Variants in RGS6 observed in about 807,000 individuals in gnomAD.
RGS6 encodes the protein regulator of G protein signaling 6.
In RGS6, 30 loss-of-function variants were observed where a neutral mutation model predicts 78.5. That is an observed-to-expected ratio of 0.38 (90% CI 0.29 to 0.52). The LOEUF (loss-of-function observed/expected upper bound fraction) is 0.52, where lower values mean the gene tolerates loss of function less well. Among genes scored for constraint, RGS6 ranks in the 20% least tolerant of loss-of-function variants. RGS6 has a pLI of 0.85. For synonymous variants in RGS6, 206 were observed against 206.0 expected, an observed-to-expected ratio of 1.00 and a Z score of 0.00; for missense variants, 495 against 609.7, an observed-to-expected ratio of 0.81 and a Z score of 1.98.
rs533744780 is a variant in RGS6 at position 72,083,687 on chromosome 14, T to C, written c.84+118812T>C. On this transcript the variant is annotated intron_variant, in intron 2 of 17. Transcript: ENST00000553525. ...ACCAACCACATTGAATTTCATGTTT[T>C]TCTAATTCATTCCTAGTCTTCTTGC... Among the ~76,000 whole-genome samples, 16 of 152,358 alleles carry C rather than the reference T, an allele frequency of 1.1e-4. No individual in the cohort carries two copies. In the East Asian group the frequency reaches 3.1e-3, roughly 29 times the overall value.
At chr14:72,317,396 C>A (rs2070598225) in intron 2 of RGS6, among the ~76,000 whole-genome samples, 1 of 152,126 alleles carries the variant, frequency 6.6e-6, no homozygotes, top group Non-Finnish European at 1.5e-5. Flanking sequence ...CAGTGTCCTT[C>A]CAGAATTAAA....
intron 2 of RGS6, among the ~76,000 whole-genome samples, chr14:71,996,555 G>A (rs2095213761): frequency 6.6e-6 from 1 of 152,110 alleles, no homozygotes; most frequent in Non-Finnish European, 1.5e-5. Flanking sequence ...GGGGGCAACT[G>A]GGGGATCATC....
the RGS6 span, among the ~76,000 whole-genome samples, chr14:71,885,238 A>T: frequency 6.6e-6 from 1 of 152,136 alleles, no homozygotes; most frequent in Non-Finnish European, 1.5e-5. Context: ...AAACATTTCT[A>T]CTCCGTCGAC....
intron 2 of RGS6, among the ~76,000 whole-genome samples, chr14:72,148,767 T>A (rs1167934087): frequency 6.6e-6 from 1 of 152,120 alleles, no homozygotes; most frequent in Non-Finnish European, 1.5e-5. Flanking sequence ...AAACAAGATT[T>A]AGGAGGAAAG....
rs142156635 is a variant in RGS6 at position 72,468,866 on chromosome 14, T to C, written c.460-1141T>C. ...TTTAGAAGTACTTTCACACCAAGCC[T>C]GGGTGATAACTGTGAGCTCATGTGT... On this transcript the variant is annotated intron_variant, in intron 7 of 17. Transcript: ENST00000553525. Among the ~76,000 whole-genome samples, 688 of 152,330 alleles carry C rather than the reference T, an allele frequency of 4.5e-3. 1 individual carries two copies. The highest frequency in any genetic ancestry group is 7.6e-3 in the Non-Finnish European group (519 of 68,016).
At chr14:71,892,318 C>T in the RGS6 span, among the ~76,000 whole-genome samples, 3 of 152,202 alleles carry the variant, frequency 2.0e-5, no homozygotes, top group Non-Finnish European at 2.9e-5. Flanking sequence ...GGTAGGCCTC[C>T]CAAAAACAGA....
chr14:71,947,463 T>A (rs979602043), intron 1 of RGS6, among the ~76,000 whole-genome samples: 9 of 152,244 alleles, frequency 5.9e-5, no homozygotes, highest in African/African-American at 2.2e-4. Context: ...TTAAAAAAAA[T>A]CTGTTTCTAA....
At chr14:72,196,794 G>T (rs1027996213) in intron 2 of RGS6, among the ~76,000 whole-genome samples, 1 of 152,200 alleles carries the variant, frequency 6.6e-6, no homozygotes, top group African/African-American at 2.4e-5. Context: ...CTGGGCTTCT[G>T]TTCTCCTGAA....
intron 3 of RGS6, among the ~76,000 whole-genome samples, chr14:72,398,667 A>G (rs9671740): frequency 0.21 from 32,466 of 151,842 alleles, 4,907 homozygotes; most frequent in East Asian, 0.46. Context: ...TAGACCTTTC[A>G]TGCTTTCTCT....
intron 3 of RGS6, among the ~76,000 whole-genome samples, chr14:72,452,644 A>C (rs1178620227): frequency 1.3e-5 from 2 of 152,178 alleles, no homozygotes; most frequent in African/African-American, 4.8e-5. Flanking sequence ...AGTTCTTGGC[A>C]CATCCCCTCC....
At chr14:71,927,347 T>C in the RGS6 span, among the ~76,000 whole-genome samples, 2 of 152,312 alleles carry the variant, frequency 1.3e-5, no homozygotes, top group South Asian at 4.1e-4. Context: ...CACTGTGATA[T>C]AAACACATTC....
chr14:72,275,266 A>C (rs1365466756), intron 2 of RGS6, among the ~76,000 whole-genome samples: 1 of 152,250 alleles, frequency 6.6e-6, no homozygotes, highest in Non-Finnish European at 1.5e-5. Context: ...TAGAAATGTT[A>C]AAAGGAGATG....
At position 72,001,685 on chromosome 14, in the gene RGS6, T is replaced by C. The variant is rs534564100; in HGVS notation, c.84+36810T>C. On this transcript the variant is annotated intron_variant, in intron 2 of 17. Coordinates refer to ENST00000553525, the MANE Select transcript of RGS6 (RefSeq NM_001204424.2). ...ATACAATCATCTGAGTCTTGTATGG[T>C]TTCTGAAATGGATGCTAGAAGAGAT... Among the ~76,000 whole-genome samples, 5 of 152,220 alleles carry C rather than the reference T, an allele frequency of 3.3e-5. No homozygotes were observed. The East Asian group carries it at 9.7e-4, about 29-fold the overall frequency.
At chr14:71,907,975 A>G in the RGS6 span, among the ~76,000 whole-genome samples, 6 of 152,212 alleles carry the variant, frequency 3.9e-5, no homozygotes, top group Admixed American at 3.9e-4. Context: ...AACATTTTCC[A>G]TCTCTTCTGA....
chr14:72,173,280 A>G (rs2097053150), intron 2 of RGS6, among the ~76,000 whole-genome samples: 1 of 151,980 alleles, frequency 6.6e-6, no homozygotes, highest in Non-Finnish European at 1.5e-5. Flanking sequence ...CAACAGAATG[A>G]TCTGGCTCAG....
chr14:72,413,103 G>C (rs544270985), intron 3 of RGS6, among the ~76,000 whole-genome samples: 3,587 of 152,244 alleles, frequency 0.024, 12 homozygotes, highest in Admixed American at 0.065. Context: ...GCAGACCTGA[G>C]TTCAATTCCT....
At chr14:72,455,729 C>T (rs1481063206) in intron 4 of RGS6, among the ~76,000 whole-genome samples, 1 of 152,182 alleles carries the variant, frequency 6.6e-6, no homozygotes, top group Non-Finnish European at 1.5e-5. Context: ...GAACCCAAAG[C>T]AACTCACTAT....
the RGS6 span, among the ~76,000 whole-genome samples, chr14:72,587,722 A>G: frequency 3.3e-5 from 5 of 152,122 alleles, no homozygotes; most frequent in Non-Finnish European, 5.9e-5. Flanking sequence ...CCCAGCCCAC[A>G]TGAGTCCTAT....
At chr14:71,940,155 C>T (rs767137814) in intron 1 of RGS6, among the ~76,000 whole-genome samples, 3 of 152,104 alleles carry the variant, frequency 2.0e-5, no homozygotes, top group Non-Finnish European at 2.9e-5. Context: ...GTTTTGGGTC[C>T]CCTGGAATCA....
Sources: gnomAD v4.1 joint callset for allele counts (sites outside exome capture counted in the v4.1 genomes callset) on GRCh38, gnomAD v4.1.1 for gene constraint, MANE v1.5 for transcripts, NCBI Gene and HGNC (gene_info 2026-07-23, HGNC 2026-07-21) for gene names.